Variants in SGCD observed in about 807,000 individuals in gnomAD.
The protein encoded by SGCD is delta-sarcoglycan.
In SGCD, 18 loss-of-function variants were observed where a neutral mutation model predicts 36.6. The observed-to-expected ratio is 0.49, with a 90% CI of 0.34 to 0.73. The LOEUF (loss-of-function observed/expected upper bound fraction) is 0.73. SGCD is among the 30% of genes least tolerant of loss of function. SGCD has a pLI of 0.01. For missense variants in SGCD, 387 were observed against 346.7 expected, an observed-to-expected ratio of 1.12 and a Z score of -0.92; for synonymous variants, 133 against 130.6, an observed-to-expected ratio of 1.02 and a Z score of -0.12.
chr5:156,654,726 C>G (rs1275838701), intron 7 of SGCD, among the ~76,000 whole-genome samples: 1 of 152,032 alleles, frequency 6.6e-6, no homozygotes, highest in Non-Finnish European at 1.5e-5. Flanking sequence ...AACAGCTAAT[C>G]CTGTTATATT....
intron 3 of SGCD, among the ~76,000 whole-genome samples, chr5:156,286,081 C>G (rs1003544076): frequency 5.3e-5 from 8 of 152,176 alleles, no homozygotes; most frequent in African/African-American, 1.9e-4. Context: ...AAATGCTCAT[C>G]AGCACTGGCC....
intron 3 of SGCD, among the ~76,000 whole-genome samples, chr5:156,492,640 G>A (rs932239741): frequency 2.0e-5 from 3 of 152,000 alleles, no homozygotes; most frequent in Admixed American, 6.6e-5. Context: ...AGGTATACAC[G>A]TGCCATGATG....
chr5:156,388,132 G>A (rs1197830971), intron 3 of SGCD, among the ~76,000 whole-genome samples: 1 of 152,182 alleles, frequency 6.6e-6, no homozygotes, highest in Non-Finnish European at 1.5e-5. Flanking sequence ...AAATTTTGGA[G>A]TGAGTCTATT....
chr5:156,384,062 C>T (rs73812223), intron 3 of SGCD, among the ~76,000 whole-genome samples: 5 of 152,116 alleles, frequency 3.3e-5, no homozygotes, highest in African/African-American at 9.6e-5. Flanking sequence ...GTTTAGTTGC[C>T]GAGGTTGAGT....
At chr5:155,773,076 A>G in the SGCD span, among the ~76,000 whole-genome samples, 1 of 152,110 alleles carries the variant, frequency 6.6e-6, no homozygotes, top group South Asian at 2.1e-4. Flanking sequence ...AGTCCTGCCC[A>G]CAGGGTGCCA....
At chr5:156,303,574 G>A (rs1011834422) in intron 3 of SGCD, among the ~76,000 whole-genome samples, 1 of 151,624 alleles carries the variant, frequency 6.6e-6, no homozygotes, top group African/African-American at 2.4e-5. Context: ...AGCTGGTAAT[G>A]TACTGGGTCA....
chr5:155,824,208 C>T, the SGCD span, among the ~76,000 whole-genome samples: 1 of 152,060 alleles, frequency 6.6e-6, no homozygotes, highest in Non-Finnish European at 1.5e-5. Context: ...GACTTTAGTC[C>T]TGCATAGTAA....
intron 3 of SGCD, among the ~76,000 whole-genome samples, chr5:156,381,394 G>A (rs942552556): frequency 2.0e-5 from 3 of 152,184 alleles, no homozygotes; most frequent in Admixed American, 1.3e-4. Flanking sequence ...TTCTTGGCAA[G>A]GAAAATCAAA....
Position 156,764,784 on chromosome 5 carries a change from T to C in SGCD, c.*5394T>C, listed in dbSNP as rs1465048642. 6.6e-6 allele frequency: 1 copy of C among 152,206 alleles called. No homozygotes were observed. Among genetic ancestry groups the C allele is most frequent in the Non-Finnish European group, 1.5e-5 (1 of 68,042 alleles). 9.4% of individuals were successfully genotyped at this position (152,206 alleles called of 1,614,324 possible). A position where few individuals can be genotyped will look rare whatever the true frequency, so the allele number is the denominator to read the frequency against. ...TGTCATCATACAGTGTTAATGATGC[T>C]ATCAAATCCATCAATAAACAGTCTC... On this transcript the variant is annotated 3_prime_UTR_variant, in exon 9 of 9. Coordinates refer to ENST00000337851, the MANE Select transcript of SGCD (RefSeq NM_000337.6).
intron 3 of SGCD, among the ~76,000 whole-genome samples, chr5:156,206,055 T>C (rs1434042039): frequency 2.7e-5 from 4 of 149,752 alleles, no homozygotes; most frequent in Non-Finnish European, 5.9e-5. Flanking sequence ...TGTGCATCTA[T>C]GTCCATATAT....
At chr5:156,111,683 CAATT>C (rs1761789532) in intron 1 of SGCD, among the ~76,000 whole-genome samples, 1 of 152,056 alleles carries the variant, frequency 6.6e-6, no homozygotes, top group Non-Finnish European at 1.5e-5. Context: ...AAAGCAGTCA[CAATT>C]AATCCTTTAC....
At chr5:156,500,456 A>G (rs1486215337) in intron 3 of SGCD, among the ~76,000 whole-genome samples, 1 of 152,204 alleles carries the variant, frequency 6.6e-6, no homozygotes, top group Non-Finnish European at 1.5e-5. Flanking sequence ...GCAAGAGATT[A>G]TCTTGAGACT....
At chr5:155,785,724 T>C in the SGCD span, among the ~76,000 whole-genome samples, 2 of 152,336 alleles carry the variant, frequency 1.3e-5, no homozygotes, top group South Asian at 4.1e-4. Context: ...CAAACACATA[T>C]GTGAAAATAA....
the SGCD span, among the ~76,000 whole-genome samples, chr5:155,775,380 C>A: frequency 6.6e-6 from 1 of 152,008 alleles, no homozygotes; most frequent in Non-Finnish European, 1.5e-5. Flanking sequence ...CATGTATTAA[C>A]TTTTTAAATG....
intron 6 of SGCD, among the ~76,000 whole-genome samples, chr5:156,643,055 G>T (rs564074773): frequency 1.5e-4 from 20 of 130,018 alleles, no homozygotes; most frequent in Non-Finnish European, 2.9e-4. Context: ...TTTTTGAAAC[G>T]GAGTTTCACC....
chr5:156,445,268 T>C (rs1753713375), intron 3 of SGCD, among the ~76,000 whole-genome samples: 1 of 152,184 alleles, frequency 6.6e-6, no homozygotes, highest in Admixed American at 6.6e-5. Context: ...TCCCCAATGT[T>C]GGCTTTTCTT....
chr5:156,140,949 G>A (rs1297267824), intron 3 of SGCD, among the ~76,000 whole-genome samples: 1 of 152,144 alleles, frequency 6.6e-6, no homozygotes, highest in Admixed American at 6.5e-5. Flanking sequence ...GGGCAGAACA[G>A]TTTTAAGAGG....
chr5:156,102,448 C>T lies in SGCD; in HGVS notation c.-281-15430C>T, dbSNP rs150305681. Among the ~76,000 whole-genome samples, 224 of 152,082 alleles carry T rather than the reference C, an allele frequency of 1.5e-3. 5 individuals are homozygous for T. The East Asian group carries it at 0.036, about 25-fold the overall frequency. On this transcript the variant is annotated intron_variant, in intron 1 of 9. Coordinates refer to the SGCD transcript ENST00000517913. ...GATTACCTAGAATTTTTCAATATTT[C>T]TGAAAAAAATCTTTCATCATTTTTT...
chr5:156,188,513 G>A (rs1215285779), intron 3 of SGCD, among the ~76,000 whole-genome samples: 1 of 152,026 alleles, frequency 6.6e-6, no homozygotes, highest in Non-Finnish European at 1.5e-5. Flanking sequence ...TTCCTGTGTT[G>A]CAAAAGGCTT....
Sources: allele counts gnomAD v4.1 joint callset (sites outside exome capture counted in the v4.1 genomes callset), GRCh38; gene constraint gnomAD v4.1.1; transcripts MANE v1.5; gene names NCBI Gene and HGNC (gene_info 2026-07-23, HGNC 2026-07-21).